The following LNX2 variants were observed in gnomAD, a reference collection of about 807,000 sequenced individuals.
LNX2 encodes ligand of Numb protein X 2.
In LNX2, 35 loss-of-function variants were observed where a neutral mutation model predicts 66.2. The ratio of observed to expected loss-of-function variants is 0.53; its 90% CI spans 0.40 to 0.70. The LOEUF is 0.70. LNX2 is among the 30% of genes least tolerant of loss of function. LNX2 has a pLI of 0.00. For synonymous variants in LNX2, 337 were observed against 315.6 expected, an observed-to-expected ratio of 1.07 and a Z score of -0.72; for missense variants, 791 against 850.8, an observed-to-expected ratio of 0.93 and a Z score of 0.87.
At chr13:27,561,367 C>T (rs913399021) in intron 5 of LNX2, among the ~76,000 whole-genome samples, 1 of 151,984 alleles carries the variant, frequency 6.6e-6, no homozygotes, top group Non-Finnish European at 1.5e-5. Flanking sequence ...CTTCTTCCTC[C>T]TCCTCTTTTC....
At chr13:27,606,359 C>A (rs1593264535) in intron 1 of LNX2, among the ~76,000 whole-genome samples, 3 of 104,964 alleles carry the variant, frequency 2.9e-5, no homozygotes, top group Admixed American at 1.3e-4. Flanking sequence ...GATTAAGTAA[C>A]AAGGTCATGA....
intron 1 of LNX2, among the ~76,000 whole-genome samples, chr13:27,587,537 G>A (rs979546741): frequency 2.0e-5 from 3 of 152,128 alleles, no homozygotes; most frequent in Non-Finnish European, 4.4e-5. Context: ...GAAATATTGT[G>A]CATTTGTGGC....
chr13:27,581,883 T>C, intron 1 of LNX2, 80 bp from the exon 2 acceptor site: 2 of 400,418 alleles, frequency 5.0e-6, no homozygotes, highest in Non-Finnish European at 4.2e-6. Context: ...GTAATATTAC[T>C]GGTTAGCTTT....
Position 27,562,845 on chromosome 13 carries a change from T to G in LNX2, c.856-64A>C, listed in dbSNP as rs1955154342. The G allele has an allele frequency of 2.6e-6, 4 of 1,515,638 alleles. No homozygotes were observed. The Admixed American group carries it at 7.7e-5, about 29-fold the overall frequency. 93.9% of individuals were successfully genotyped at this position (1,515,638 alleles called of 1,614,324 possible). A position where few individuals can be genotyped will look rare whatever the true frequency, so the allele number is the denominator to read the frequency against. On this transcript the variant is annotated intron_variant, in intron 4 of 9. Coordinates refer to ENST00000316334, the MANE Select transcript of LNX2 (RefSeq NM_153371.4). Reference sequence around the variant, plus strand: ...TTATTTTTCCAATTTGTAGGAATGTTTATGTGACATTTCCACAGGAAACTA... The same window carrying G: ...TTATTTTTCCAATTTGTAGGAATGTGTATGTGACATTTCCACAGGAAACTA...
chr13:27,591,047 G>A (rs1955541769), intron 1 of LNX2, among the ~76,000 whole-genome samples: 1 of 151,964 alleles, frequency 6.6e-6, no homozygotes, highest in African/African-American at 2.4e-5. Context: ...ATCAGATTAA[G>A]AATAACTTTG....
At chr13:27,579,359 AAATC>A (rs1487849786) in intron 2 of LNX2, among the ~76,000 whole-genome samples, 1 of 152,190 alleles carries the variant, frequency 6.6e-6, no homozygotes, top group Non-Finnish European at 1.5e-5. Flanking sequence ...TGTATCAGGC[AAATC>A]ACCACCTTTT....
At chr13:27,557,816 A>G (rs1433713559) in intron 6 of LNX2, among the ~76,000 whole-genome samples, 1 of 152,062 alleles carries the variant, frequency 6.6e-6, no homozygotes, top group Non-Finnish European at 1.5e-5. Flanking sequence ...AAATCTGTAA[A>G]TGTTTTAAGG....
Position 27,562,768 on chromosome 13 carries a change from T to G in LNX2, c.869A>C (p.Asn290Thr), listed in dbSNP as rs145149379. 57 of 1,603,130 alleles carry G rather than the reference T, an allele frequency of 3.6e-5. No homozygotes were observed. Among genetic ancestry groups the G allele is most frequent in the Non-Finnish European group, 4.7e-5 (55 of 1,173,070 alleles). ...ATAGTTATGGGACACATTGCTGATATTGTAGTTGTTGACCTAGAAAAAAAG... is the reference window on the plus strand; with the variant it reads ...ATAGTTATGGGACACATTGCTGATAGTGTAGTTGTTGACCTAGAAAAAAAG... ...GDQILQVNNYNISNVSHNYAR... is the reference protein window; with the variant it reads ...GDQILQVNNYTISNVSHNYAR... The change falls in exon 5 of 10, where the codon AAT (asparagine) becomes ACT (threonine). Residue 290 changes from asparagine to threonine, a missense_variant. Physicochemically the swap from Asn to Thr is moderately conservative, Grantham distance 65. Coordinates refer to ENST00000316334, the MANE Select transcript of LNX2 (RefSeq NM_153371.4).
chr13:27,582,884 A>C (rs1488754461), intron 1 of LNX2, among the ~76,000 whole-genome samples: 1 of 152,182 alleles, frequency 6.6e-6, no homozygotes, highest in Non-Finnish European at 1.5e-5. Context: ...TGGAACTTAA[A>C]GTATAATAAT....
At chr13:27,610,180 A>G (rs1376645150) in intron 1 of LNX2, among the ~76,000 whole-genome samples, 1 of 152,194 alleles carries the variant, frequency 6.6e-6, no homozygotes, top group African/African-American at 2.4e-5. Flanking sequence ...GAGGCACAGG[A>G]TACAACCACA....
chr13:27,583,190 G>A (rs934626635), intron 1 of LNX2, among the ~76,000 whole-genome samples: 297 of 8,726 alleles, frequency 0.034, 24 homozygotes, highest in Non-Finnish European at 0.057. Context: ...GTGTGTGTGT[G>A]TGTGTGTGTG....
At chr13:27,613,235 A>G (rs1344236761) in intron 1 of LNX2, among the ~76,000 whole-genome samples, 1 of 152,030 alleles carries the variant, frequency 6.6e-6, no homozygotes, top group Non-Finnish European at 1.5e-5. Flanking sequence ...TCCAAACTGG[A>G]TAGAGACGCT....
At chr13:27,573,443 TAAAA>T (rs60543818) in intron 2 of LNX2, among the ~76,000 whole-genome samples, 3 of 146,776 alleles carry the variant, frequency 2.0e-5, no homozygotes, top group Admixed American at 6.8e-5. Context: ...AAGCATTGGT[TAAAA>T]AAAAAAAAAA....
At chr13:27,605,079 T>C (rs1955699847) in intron 1 of LNX2, among the ~76,000 whole-genome samples, 1 of 152,148 alleles carries the variant, frequency 6.6e-6, no homozygotes, top group Non-Finnish European at 1.5e-5. Context: ...CCGGGTCCAG[T>C]CTCTGCAACA....
At chr13:27,583,674 A>G (rs1206989059) in intron 1 of LNX2, among the ~76,000 whole-genome samples, 1 of 152,046 alleles carries the variant, frequency 6.6e-6, no homozygotes, top group Non-Finnish European at 1.5e-5. Flanking sequence ...TAAATATTCA[A>G]CTCCAAAGGC....
chr13:27,553,707 G>A (rs141376004), intron 7 of LNX2, among the ~76,000 whole-genome samples: 2 of 152,248 alleles, frequency 1.3e-5, no homozygotes, highest in Admixed American at 6.5e-5. Flanking sequence ...TTGGAAGTTC[G>A]AATCATCAGT....
chr13:27,556,149 G>A, intron 7 of LNX2, 87 bp downstream of exon 7: 1 of 1,271,788 alleles, frequency 7.9e-7, no homozygotes, highest in Admixed American at 2.3e-5. Flanking sequence ...ATGTTTAATA[G>A]ATACTTTGTA....
intron 8 of LNX2, among the ~76,000 whole-genome samples, chr13:27,551,506 A>G (rs957695654): frequency 2.0e-5 from 3 of 151,174 alleles, no homozygotes; most frequent in Admixed American, 6.6e-5. Context: ...AATGATAAGG[A>G]AAAAAAAACT....
intron 1 of LNX2, among the ~76,000 whole-genome samples, chr13:27,590,453 A>G (rs886475241): frequency 4.0e-5 from 6 of 151,846 alleles, no homozygotes; most frequent in African/African-American, 9.7e-5. Context: ...CCCTGACCTC[A>G]AGTGATCTGC....
Sources: allele counts gnomAD v4.1 joint callset (sites outside exome capture counted in the v4.1 genomes callset), GRCh38; gene constraint gnomAD v4.1.1; transcripts MANE v1.5; gene names NCBI Gene and HGNC (gene_info 2026-07-23, HGNC 2026-07-21).